DPF3: variants seen among roughly 807,000 people sequenced by gnomAD.
DPF3 encodes zinc finger protein DPF3.
DPF3 carries 18 observed loss-of-function variants against 56.8 expected under a neutral mutation model. That is an observed-to-expected ratio of 0.32 (90% CI 0.22 to 0.47). DPF3 has a LOEUF of 0.47. Ranked by LOEUF, DPF3 falls within the 20% of genes least tolerant of loss-of-function variation. DPF3 has a pLI of 1.00. For synonymous variants in DPF3, 188 were observed against 180.2 expected, an observed-to-expected ratio of 1.04 and a Z score of -0.35; for missense variants, 403 against 488.8, an observed-to-expected ratio of 0.82 and a Z score of 1.65.
In DPF3 at chr14:72,614,226, C is replaced by T. The variant is rs1883936387; in HGVS notation, c.*5071G>A. Among the ~76,000 whole-genome samples, 1 of 152,218 alleles carries T rather than the reference C, an allele frequency of 6.6e-6. No individual in the cohort carries two copies. The highest frequency in any genetic ancestry group is 2.4e-5 in the African/African-American group (1 of 41,458). On this transcript the variant is annotated 3_prime_UTR_variant, in exon 11 of 11. Transcript: ENST00000556509. Reference sequence around the variant, plus strand: ...AACCCCCAGACAGCTATGGAGCCCACCTTCTGACCACGGACCAGTTAGACT... The same window carrying T: ...AACCCCCAGACAGCTATGGAGCCCATCTTCTGACCACGGACCAGTTAGACT...
chr14:72,890,677 T>C (rs1435603689), intron 1 of DPF3, among the ~76,000 whole-genome samples: 2 of 152,202 alleles, frequency 1.3e-5, no homozygotes, highest in African/African-American at 4.8e-5. Flanking sequence ...GTAACTCTCA[T>C]ACATCTTTGC....
chr14:72,769,059 A>G (rs562622210), intron 2 of DPF3, among the ~76,000 whole-genome samples: 1 of 152,200 alleles, frequency 6.6e-6, no homozygotes, highest in East Asian at 1.9e-4. Context: ...AAGATACTTA[A>G]GTAAAAACTG....
At chr14:72,893,069 A>T (rs1886838488) in intron 1 of DPF3, among the ~76,000 whole-genome samples, 1 of 152,114 alleles carries the variant, frequency 6.6e-6, no homozygotes, top group African/African-American at 2.4e-5. Flanking sequence ...TGGCTGTTGG[A>T]CCCGGGGCTG....
intron 3 of DPF3, among the ~76,000 whole-genome samples, chr14:72,749,824 G>A (rs116300364): frequency 2.0e-5 from 3 of 151,576 alleles, no homozygotes; most frequent in African/African-American, 7.3e-5. Context: ...CTGCAGCCAG[G>A]GTGACAGAGT....
rs189899478 is a variant in DPF3 at position 72,794,763 on chromosome 14, G to A, written c.33-22870C>T. ...TGAAAACACAAATGTACGATTTTACGGTTCTAGAGGTCAGAAATCCAAAAC... is the reference window on the plus strand; with the variant it reads ...TGAAAACACAAATGTACGATTTTACAGTTCTAGAGGTCAGAAATCCAAAAC... On this transcript the variant is annotated intron_variant, in intron 1 of 10. Coordinates refer to ENST00000556509, the MANE Select transcript of DPF3 (RefSeq NM_001280542.3). 3.3e-4 allele frequency among the ~76,000 whole-genome samples: 51 copies of A among 152,248 alleles called. 2 individuals carry two copies. In the East Asian group the frequency reaches 4.4e-3, roughly 13 times the overall value.
intron 1 of DPF3, among the ~76,000 whole-genome samples, chr14:72,891,283 A>G (rs997577044): frequency 6.8e-6 from 1 of 146,558 alleles, no homozygotes; most frequent in African/African-American, 2.5e-5. Context: ...TTGTGTGACC[A>G]TTTTCTGTAG....
At position 72,617,231 on chromosome 14, in the gene DPF3, G is replaced by T. The variant is rs1283755427; in HGVS notation, c.*2066C>A. Among the ~76,000 whole-genome samples the T allele has an allele frequency of 6.6e-6, 1 of 152,228 alleles. No homozygotes were observed. Among genetic ancestry groups the T allele is most frequent in the Non-Finnish European group, 1.5e-5 (1 of 68,042 alleles). On this transcript the variant is annotated 3_prime_UTR_variant, in exon 11 of 11. Transcript: ENST00000556509. ...TTGTAGAGCCACAGTTTGGGGTTTC[G>T]GACTTGCTTTTTAAACTTTTAAGCT...
chr14:72,715,188 T>C (rs560565080), intron 5 of DPF3, among the ~76,000 whole-genome samples: 1 of 152,328 alleles, frequency 6.6e-6, no homozygotes, highest in South Asian at 2.1e-4. Flanking sequence ...ACGAAGACCT[T>C]GACCCCCATG....
intron 1 of DPF3, among the ~76,000 whole-genome samples, chr14:72,785,733 G>A (rs1351049430): frequency 6.6e-6 from 1 of 152,032 alleles, no homozygotes; most frequent in East Asian, 1.9e-4. Context: ...AGTTAATATG[G>A]GGCTTCCTGA....
chr14:72,660,518 C>T, intron 8 of DPF3, among the ~76,000 whole-genome samples: 1 of 152,226 alleles, frequency 6.6e-6, no homozygotes, highest in East Asian at 1.9e-4. Flanking sequence ...GGAAAGCCTA[C>T]CCCGGGGGTT....
At chr14:72,633,192 G>T (rs1052079109) in intron 8 of DPF3, among the ~76,000 whole-genome samples, 45 of 152,260 alleles carry the variant, frequency 3.0e-4, no homozygotes, top group African/African-American at 1.0e-3. Flanking sequence ...AGGATTGCAG[G>T]GACCACATAG....
intron 8 of DPF3, chr14:72,670,266 G>A (rs548151423): frequency 1.9e-5 from 19 of 985,934 alleles, no homozygotes; most frequent in Middle Eastern, 5.2e-4. Context: ...AGCCCATGAC[G>A]TTCTGCTTAT....
At chr14:72,831,967 C>T (rs1008749959) in intron 1 of DPF3, among the ~76,000 whole-genome samples, 4 of 152,128 alleles carry the variant, frequency 2.6e-5, no homozygotes, top group African/African-American at 9.7e-5. Flanking sequence ...CCTGTAATCC[C>T]AGCACTTTGG....
intron 1 of DPF3, among the ~76,000 whole-genome samples, chr14:72,863,358 C>T (rs199917760): frequency 5.8e-4 from 88 of 151,664 alleles, no homozygotes; most frequent in African/African-American, 1.8e-3. Flanking sequence ...CAGGTGCCAC[C>T]GACCTGAAGG....
intron 1 of DPF3, among the ~76,000 whole-genome samples, chr14:72,834,451 C>T (rs562275178): frequency 7.1e-6 from 1 of 140,228 alleles, no homozygotes; most frequent in Non-Finnish European, 1.5e-5. Flanking sequence ...GAGCCGAGAT[C>T]GTGCCACTGT....
chr14:72,671,259 C>T lies in DPF3; in HGVS notation c.871+2981G>A, dbSNP rs768835971. 8.1e-6 allele frequency: 13 copies of T among 1,613,874 alleles called. No individual in the cohort carries two copies. The East Asian group carries it at 8.9e-5, about 11-fold the overall frequency. On this transcript the variant is annotated intron_variant, in intron 8 of 10. Coordinates refer to ENST00000556509, the MANE Select transcript of DPF3 (RefSeq NM_001280542.3). The stretch of plus-strand genomic sequence containing the variant: ...GGAAAGTTGACGTGTCACTTTCTGA[C>T]GTGGAACCGAATAAGTCCTCCGTGG...
At chr14:72,625,513 C>T (rs1884772008) in intron 9 of DPF3, among the ~76,000 whole-genome samples, 1 of 152,136 alleles carries the variant, frequency 6.6e-6, no homozygotes, top group Non-Finnish European at 1.5e-5. Flanking sequence ...GCCCTGGAAT[C>T]AGCCATTTCT....
intron 2 of DPF3, among the ~76,000 whole-genome samples, chr14:72,771,519 T>C: frequency 6.6e-6 from 1 of 150,416 alleles, no homozygotes; most frequent in African/African-American, 2.4e-5. Context: ...CCACATGGCT[T>C]CAATGCCCCA....
chr14:72,655,141 G>A (rs780075444), intron 8 of DPF3, among the ~76,000 whole-genome samples: 1 of 152,102 alleles, frequency 6.6e-6, no homozygotes, highest in Non-Finnish European at 1.5e-5. Flanking sequence ...TTCACTTCAC[G>A]TGCTAAATGT....
Sources: gnomAD v4.1 joint callset for allele counts (sites outside exome capture counted in the v4.1 genomes callset) on GRCh38, gnomAD v4.1.1 for gene constraint, MANE v1.5 for transcripts, NCBI Gene and HGNC (gene_info 2026-07-23, HGNC 2026-07-21) for gene names.